Variants in METTL25B observed in about 807,000 individuals in gnomAD.
METTL25B encodes methyltransferase-like protein 25B.
Under a neutral mutation model 48.4 loss-of-function variants are expected in METTL25B, and 38 were observed. The ratio of observed to expected loss-of-function variants is 0.78; its 90% CI spans 0.61 to 1.03. The LOEUF (loss-of-function observed/expected upper bound fraction) is 1.03. Ranked by LOEUF, METTL25B falls within the 50% of genes least tolerant of loss-of-function variation. METTL25B has a pLI of 0.00. For missense variants in METTL25B, 537 were observed against 603.7 expected (o/e 0.89, Z 1.16); for synonymous variants, 230 against 254.5 (o/e 0.90, Z 0.92).
At position 156,734,063 on chromosome 1, in the gene METTL25B, C is replaced by T. The variant is rs757295876; in HGVS notation, c.691C>T (p.Pro231Ser). The T allele has an allele frequency of 1.2e-6, 2 of 1,613,876 alleles. No individual in the cohort carries two copies. The highest frequency in any genetic ancestry group is 2.2e-5 in the South Asian group (2 of 91,052). ...SPHHVVRWVD[P>S]TALCEELLLP... The stretch of plus-strand genomic sequence containing the variant: ...ACACCACGTGGTTAGGTGGGTAGAC[C>T]CCACAGCCCTGTGTGAGGAGCTTCT... Residue 231 changes from proline (P) to serine (S), a missense_variant, in exon 6 of 8, where the codon CCC becomes TCC. Physicochemically the swap from Pro to Ser is moderately conservative, Grantham distance 74. Coordinates refer to ENST00000368216, the MANE Select transcript of METTL25B (RefSeq NM_015997.4).
In METTL25B at chr1:156,736,953, C is replaced by T. The variant is rs1649866904; in HGVS notation, c.*200C>T. 3.5e-6 allele frequency: 2 copies of T among 570,416 alleles called. No homozygotes were observed. The highest frequency in any genetic ancestry group is 6.0e-6 in the Non-Finnish European group (2 of 332,740). 35.3% of individuals were successfully genotyped at this position (570,416 alleles called of 1,614,324 possible). A position where few individuals can be genotyped will look rare whatever the true frequency, so the allele number is the denominator to read the frequency against. On this transcript the variant is annotated 3_prime_UTR_variant, in exon 8 of 8. Coordinates refer to ENST00000368216, the MANE Select transcript of METTL25B (RefSeq NM_015997.4). Reference sequence around the variant, plus strand: ...TTAATTAAAAATTGGATATCTGTTTCCTTCCCATTTCTGTAGGTAGATAAA... The same window carrying T: ...TTAATTAAAAATTGGATATCTGTTTTCTTCCCATTTCTGTAGGTAGATAAA...
chr1:156,735,015 G>A (rs1216889576), intron 6 of METTL25B, among the ~76,000 whole-genome samples: 3 of 152,036 alleles, frequency 2.0e-5, no homozygotes, highest in South Asian at 2.1e-4. Context: ...TTGGCCAGGC[G>A]CGGTGGCTCA....
intron 1 of METTL25B, among the ~76,000 whole-genome samples, chr1:156,730,875 A>G (rs1304687834): frequency 6.6e-6 from 1 of 152,270 alleles, no homozygotes; most frequent in Non-Finnish European, 1.5e-5. Context: ...AAAGGATCAA[A>G]TGCATTAATA....
At position 156,732,450 on chromosome 1, in the gene METTL25B, C is replaced by G; in HGVS notation, c.406C>G (p.His136Asp). The G allele has an allele frequency of 6.2e-7, 1 of 1,613,956 alleles. No individual in the cohort carries two copies. Among genetic ancestry groups the G allele is most frequent in the Non-Finnish European group, 8.5e-7 (1 of 1,180,026 alleles). The change falls in exon 3 of 8, where the codon CAT (histidine) becomes GAT (aspartate). Residue 136 changes from histidine to aspartate, a missense_variant. By Grantham distance (81) the His-to-Asp change is moderately conservative. Coordinates refer to ENST00000368216, the MANE Select transcript of METTL25B (RefSeq NM_015997.4). ...GAAACATGTCAGGCCCAAGAAGCAG[C>G]ATGAGATCCGGAGGCTGGGAGAGGT... ...FRKHVRPKKQ[H>D]EIRRLGELVK... is the part of the protein sequence containing the mutation.
Position 156,734,445 on chromosome 1 carries a change from G to A in METTL25B, c.1073G>A (p.Arg358Gln), listed in dbSNP as rs376719552. ...VIRRARPELR[R>Q]PGVQGIPRVH... The stretch of plus-strand genomic sequence containing the variant: ...CGACGGGCCCGGCCCGAGCTCCGTC[G>A]GCCAGGCGTGCAGGGTATCCCCAGG... Residue 358 changes from arginine (R) to glutamine (Q), a missense_variant, in exon 6 of 8, where the codon CGG becomes CAG. Coordinates refer to ENST00000368216, the MANE Select transcript of METTL25B (RefSeq NM_015997.4). 1.0e-5 allele frequency: 16 copies of A among 1,603,534 alleles called. No homozygotes were observed. The highest frequency in any genetic ancestry group is 1.7e-4 in the Middle Eastern group (1 of 6,046).
At chr1:156,735,417 T>C (rs1290491877) in intron 6 of METTL25B, among the ~76,000 whole-genome samples, 2 of 143,312 alleles carry the variant, frequency 1.4e-5, no homozygotes, top group East Asian at 2.1e-4. Context: ...CAAAAATACA[T>C]GGCCAGGTGT....
intron 7 of METTL25B, 42 bp downstream of exon 7, chr1:156,735,951 TGGGGTTCTG>T: frequency 6.6e-7 from 1 of 1,521,518 alleles, no homozygotes; most frequent in South Asian, 1.2e-5. Context: ...CTATAGTGAC[TGGGGTTCTG>T]GGGCTCCTTC....
At position 156,732,117 on chromosome 1, in the gene METTL25B, T is replaced by C. The variant is rs1571509914; in HGVS notation, c.236+2T>C. 1 of 1,613,996 alleles carries C rather than the reference T, an allele frequency of 6.2e-7. No homozygotes were observed. The highest frequency in any genetic ancestry group is 8.5e-7 in the Non-Finnish European group (1 of 1,180,012). ...GCCTGGGGAAGGGGAGGTCGTCAGG[T>C]ATGGGCTAGAAGGTCCCTGTGCTGG... On this transcript the variant is annotated splice_donor_variant, in intron 2 of 7. Coordinates refer to ENST00000368216, the MANE Select transcript of METTL25B (RefSeq NM_015997.4). LOFTEE classifies it high-confidence loss of function.
At chr1:156,729,285 G>C in intron 1 of METTL25B, 70 bp downstream of exon 1, 1 of 832,180 alleles carries the variant, frequency 1.2e-6, no homozygotes, top group South Asian at 1.4e-5. Context: ...GTCAGGGAGA[G>C]AATCTGGAGA....
At position 156,729,100 on chromosome 1, in the gene METTL25B, C is replaced by T; in HGVS notation, c.-5C>T. ...CGCTCCCCGCGCTCCCTGCTGGACC[C>T]CGGGATGCCGGGCATCTCCGCCCGA... On this transcript the variant is annotated 5_prime_UTR_variant, in exon 1 of 8. Transcript: ENST00000368216. 1.3e-6 allele frequency: 2 copies of T among 1,586,594 alleles called. No individual in the cohort carries two copies. Among genetic ancestry groups the T allele is most frequent in the Non-Finnish European group, 1.7e-6 (2 of 1,161,310 alleles).
intron 1 of METTL25B, 169 bp downstream of exon 1, chr1:156,729,384 C>T: frequency 2.1e-6 from 1 of 486,012 alleles, no homozygotes; most frequent in South Asian, 3.0e-5. Context: ...CCTTTTTTTT[C>T]AGCTGACATA....
intron 4 of METTL25B, 44 bp downstream of exon 4, chr1:156,733,091 C>T (rs1244390248): frequency 2.6e-6 from 4 of 1,555,982 alleles, no homozygotes; most frequent in Non-Finnish European, 2.6e-6. Context: ...GTCATGGGGA[C>T]ATAGAACACC....
intron 7 of METTL25B, 26 bp from the exon 8 acceptor site, chr1:156,736,606 C>T: frequency 6.2e-7 from 1 of 1,613,432 alleles, no homozygotes. Context: ...TCATTCTTCC[C>T]CTTATGATTA....
At chr1:156,732,934 CCAGG>C (rs1195828366) in intron 3 of METTL25B, 47 bp from the exon 4 acceptor site, 1 of 1,516,076 alleles carries the variant, frequency 6.6e-7, no homozygotes, top group African/African-American at 1.4e-5. Flanking sequence ...GGTGTTTGCC[CCAGG>C]AGTCAATAAC....
chr1:156,731,469 T>G (rs1188897078), intron 1 of METTL25B, among the ~76,000 whole-genome samples: 1 of 152,218 alleles, frequency 6.6e-6, no homozygotes, highest in Non-Finnish European at 1.5e-5. Context: ...AGCCAGAATC[T>G]TGTCTCAGGT....
In METTL25B at chr1:156,733,867, C is replaced by A. The variant is rs567766764; in HGVS notation, c.637-142C>A. 473 of 1,147,642 alleles carry A rather than the reference C, an allele frequency of 4.1e-4. 3 individuals carry two copies. The highest frequency in any genetic ancestry group is 4.0e-3 in the South Asian group (266 of 66,544). The allele number at this position is 1,147,642 out of a possible 1,614,324, so 71.1% of individuals were successfully genotyped here. ...TTTTCCCCCTCTCCTGACTTGTGGT[C>A]CAGCCCCTCCCGCACCCACCTTATC... On this transcript the variant is annotated intron_variant, in intron 5 of 7. Transcript: ENST00000368216.
At position 156,728,623 on chromosome 1, in the gene METTL25B, T is replaced by TGGGTGG. The variant is rs1171140305; in HGVS notation, c.-478_-473dup. The TGGGTGG allele has an allele frequency of 5.8e-5, 15 of 257,552 alleles. No individual in the cohort carries two copies. Among genetic ancestry groups the TGGGTGG allele is most frequent in the Non-Finnish European group, 7.8e-5 (15 of 192,852 alleles). 16.0% of individuals were successfully genotyped at this position (257,552 alleles called of 1,614,324 possible). A position where few individuals can be genotyped will look rare whatever the true frequency, so the allele number is the denominator to read the frequency against. ...AGTGGCGGCGGAGGAGGGGGCGGCG[T>TGGGTGG]GGGTGGGGGCGGGGGCGGGATGCGC... On this transcript the variant is annotated 5_prime_UTR_variant, in exon 1 of 8. Coordinates refer to ENST00000368216, the MANE Select transcript of METTL25B (RefSeq NM_015997.4).
Position 156,733,487 on chromosome 1 carries a change from G to A in METTL25B, c.603G>A (p.Gln201=). The change falls in exon 5 of 8, where the codon CAG becomes CAA. Residue 201 remains glutamine, a synonymous_variant. Transcript: ENST00000368216. The part of the protein sequence containing the change: ...RAQRLDQELL[Q]ALEKEEKRNP... ...AGCGCCTGGACCAGGAGCTTCTGCA[G>A]GCTCTGGAGAAAGAGGAGAAGAGGA... The A allele has an allele frequency of 6.2e-7, 1 of 1,614,134 alleles. No individual in the cohort carries two copies. Among genetic ancestry groups the A allele is most frequent in the African/African-American group, 1.3e-5 (1 of 75,034 alleles).
In METTL25B at chr1:156,733,498, A is replaced by G. The variant is rs1186266068; in HGVS notation, c.614A>G (p.Lys205Arg). The G allele has an allele frequency of 6.2e-7, 1 of 1,613,886 alleles. No individual in the cohort carries two copies. Among genetic ancestry groups the G allele is most frequent in the African/African-American group, 1.3e-5 (1 of 74,916 alleles). ...LDQELLQALEKEEKRNPQVVQ... is the reference protein window; with the variant it reads ...LDQELLQALEREEKRNPQVVQ... The stretch of plus-strand genomic sequence containing the variant: ...CAGGAGCTTCTGCAGGCTCTGGAGA[A>G]AGAGGAGAAGAGGAACCCGCAGGTA... Residue 205 changes from lysine to arginine, a missense_variant, in exon 5 of 8, where the codon AAA (lysine) becomes AGA (arginine). Lys to Arg is a conservative substitution (Grantham distance 26). Coordinates refer to ENST00000368216, the MANE Select transcript of METTL25B (RefSeq NM_015997.4).
Sources: allele counts gnomAD v4.1 joint callset (sites outside exome capture counted in the v4.1 genomes callset), GRCh38; gene constraint gnomAD v4.1.1; transcripts MANE v1.5; gene names NCBI Gene and HGNC (gene_info 2026-07-23, HGNC 2026-07-21).